Variants in SSRP1 observed in about 807,000 individuals in gnomAD.
SSRP1 encodes the protein FACT complex subunit SSRP1.
A neutral mutation model predicts 84.4 loss-of-function variants in SSRP1; 21 were observed. That is an observed-to-expected ratio of 0.25 (90% CI 0.18 to 0.36). SSRP1 has a LOEUF of 0.36. SSRP1 is among the 10% of genes least tolerant of loss of function. SSRP1 has a pLI of 1.00. For synonymous variants in SSRP1, 319 were observed against 318.3 expected, an observed-to-expected ratio of 1.00 and a Z score of -0.02; for missense variants, 519 against 900.8, an observed-to-expected ratio of 0.58 and a Z score of 5.43.
chr11:57,333,326 T>A, intron 4 of SSRP1, 109 bp downstream of exon 4: 2 of 1,179,198 alleles, frequency 1.7e-6, no homozygotes, highest in South Asian at 2.7e-5. Context: ...AACATGCAAA[T>A]AGATAGGAAA....
chr11:57,330,606 T>C lies in SSRP1; in HGVS notation c.1297-177A>G. ...CTATGCCCAAGTACTTCCTGCCAAC[T>C]GGGTTAGTCCAAGCCCCAAGCCCCT... On this transcript the variant is annotated intron_variant, in intron 10 of 16. Transcript: ENST00000278412. This position sits in a 1 kb window ranked among gnomAD's most constrained non-coding sequence, Gnocchi z 4.0. 7.0e-7 allele frequency: 1 copy of C among 1,431,012 alleles called. No individual in the cohort carries two copies. The highest frequency in any genetic ancestry group is 9.2e-7 in the Non-Finnish European group (1 of 1,091,888). The allele number at this position is 1,431,012 out of a possible 1,614,324, so 88.6% of individuals were successfully genotyped here.
intron 13 of SSRP1, 54 bp downstream of exon 13, chr11:57,328,243 C>G: frequency 6.3e-7 from 1 of 1,594,016 alleles, no homozygotes; most frequent in Non-Finnish European, 8.6e-7. Flanking sequence ...AGAATGCCTC[C>G]CACGCCCCCC....
intron 9 of SSRP1, 76 bp downstream of exon 9, chr11:57,331,592 C>T: frequency 8.1e-7 from 1 of 1,240,304 alleles, no homozygotes; most frequent in Non-Finnish European, 1.2e-6. Flanking sequence ...GAGAGTGCCC[C>T]AGGCCACGCC....
chr11:57,332,500 G>T lies in SSRP1; in HGVS notation c.769-14C>A. The T allele has an allele frequency of 6.2e-7, 1 of 1,613,682 alleles. No homozygotes were observed. The highest frequency in any genetic ancestry group is 8.5e-7 in the Non-Finnish European group (1 of 1,179,684). On this transcript the variant is annotated splice_polypyrimidine_tract_variant and intron_variant, in intron 6 of 16. Transcript: ENST00000278412. The surrounding 1 kb of genome is among the most constrained non-coding windows in gnomAD (Gnocchi z 5.5). ...ATCCAGGCTGATCTAGTAAGGAAGA[G>T]TACTAATTGACACTCTACAACAACT...
rs7106462 is a variant in SSRP1, at chr11:57,332,877, G to A, written c.538-22C>T. 248,364 of 1,601,862 alleles carry A rather than the reference G, an allele frequency of 0.16. 21,464 individuals carry two copies. The highest frequency in any genetic ancestry group is 0.32 in the African/African-American group (24,264 of 74,792). On this transcript the variant is annotated intron_variant, in intron 5 of 16. Coordinates refer to ENST00000278412, the MANE Select transcript of SSRP1 (RefSeq NM_003146.3). The surrounding 1 kb of genome is among the most constrained non-coding windows in gnomAD (Gnocchi z 5.5). ...AGGCCTGCAAAAGCACATATTGGTA[G>A]CCAAGCAGCAGGCCCTGCTCCCAGG...
rs767919305 is a variant in SSRP1, at chr11:57,332,003, T to G, written c.1002-114A>C. 28 of 1,500,746 alleles carry G rather than the reference T, an allele frequency of 1.9e-5. No homozygotes were observed. The highest frequency in any genetic ancestry group is 3.6e-5 in the Admixed American group (2 of 54,908). 93.0% of individuals were successfully genotyped at this position (1,500,746 alleles called of 1,614,324 possible). The stretch of plus-strand genomic sequence containing the variant: ...CTCGACTAAGTAAACCTCACTGAGC[T>G]GTTCTGACAGAGGCGCTGGCACCTA... On this transcript the variant is annotated intron_variant, in intron 8 of 16. Coordinates refer to ENST00000278412, the MANE Select transcript of SSRP1 (RefSeq NM_003146.3). This position sits in a 1 kb window ranked among gnomAD's most constrained non-coding sequence, Gnocchi z 5.5.
Position 57,326,933 on chromosome 11 carries a change from T to C in SSRP1, c.1872-44A>G, listed in dbSNP as rs202071181. On this transcript the variant is annotated intron_variant, in intron 15 of 16. Coordinates refer to ENST00000278412, the MANE Select transcript of SSRP1 (RefSeq NM_003146.3). ...AGAGGAGCTGGGCCTTCAGGTCCCC[T>C]GTCACCATGACCAAACCTCTCCCAG... is the stretch of plus-strand genomic sequence containing the variant. 2.3e-4 allele frequency: 341 copies of C among 1,515,490 alleles called. No individual in the cohort carries two copies. In the African/African-American group the frequency reaches 3.9e-3, roughly 17 times the overall value. 93.9% of individuals were successfully genotyped at this position (1,515,490 alleles called of 1,614,324 possible).
intron 12 of SSRP1, 196 bp downstream of exon 12, chr11:57,329,897 C>A (rs533023029): frequency 8.7e-6 from 6 of 688,222 alleles, no homozygotes; most frequent in Non-Finnish European, 1.5e-5. Flanking sequence ...TATACTTTTC[C>A]GACTTCAAAA....
At position 57,335,046 on chromosome 11, in the gene SSRP1, C is replaced by T. The variant is rs1856182951; in HGVS notation, c.54+22G>A. 3.1e-6 allele frequency: 5 copies of T among 1,613,732 alleles called. No homozygotes were observed. The highest frequency in any genetic ancestry group is 4.2e-6 in the Non-Finnish European group (5 of 1,179,702). ...CCTCCTTCCTTCTCTCTACTTGTAT[C>T]ACCTGTCCAAGCCATTCTCACCATG... is the stretch of plus-strand genomic sequence containing the variant. On this transcript the variant is annotated intron_variant, in intron 2 of 16. Coordinates refer to ENST00000278412, the MANE Select transcript of SSRP1 (RefSeq NM_003146.3). This position sits in a 1 kb window ranked among gnomAD's most constrained non-coding sequence, Gnocchi z 4.6.
intron 2 of SSRP1, 114 bp from the exon 3 acceptor site, chr11:57,334,762 A>C: frequency 2.4e-6 from 3 of 1,267,614 alleles, no homozygotes; most frequent in Non-Finnish European, 3.3e-6. Context: ...TTATCAATGC[A>C]GGAGCAACAG....
chr11:57,333,767 T>C (rs1856146073), intron 3 of SSRP1, among the ~76,000 whole-genome samples: 1 of 152,208 alleles, frequency 6.6e-6, no homozygotes, highest in South Asian at 2.1e-4. Flanking sequence ...ATAAACTTTG[T>C]ATAGGTATTA....
intron 12 of SSRP1, chr11:57,329,787 CAAGT>C: frequency 4.2e-6 from 2 of 479,062 alleles, no homozygotes; most frequent in South Asian, 2.9e-5. Context: ...CAACCCCCAG[CAAGT>C]AAGTGGCAAG....
At position 57,330,901 on chromosome 11, in the gene SSRP1, A is replaced by G; in HGVS notation, c.1250T>C (p.Phe417Ser). The G allele has an allele frequency of 6.2e-7, 1 of 1,614,200 alleles. No homozygotes were observed. Among genetic ancestry groups the G allele is most frequent in the East Asian group, 2.2e-5 (1 of 44,882 alleles). Reference protein sequence around the residue: ...EREEYGKLFDFVNAKKLNIKN... With the variant: ...EREEYGKLFDSVNAKKLNIKN... ...GATGTTGAGCTTTTTCGCGTTGACA[A>G]AATCAAACAGTTTCCCGTACTCCTC... The change falls in exon 10 of 17, where the codon TTT becomes TCT. Residue 417 changes from phenylalanine to serine, a missense_variant. Transcript: ENST00000278412. This position sits in a 1 kb window ranked among gnomAD's most constrained non-coding sequence, Gnocchi z 4.0.
rs528134038 is a variant in SSRP1 at position 57,335,860 on chromosome 11, C to G, written c.-250G>C. ...TTCCCGCGTGCGCGGCCCCGCGTCC[C>G]GCCACCGGAAGCCGTACACAGGCCA... On this transcript the variant is annotated 5_prime_UTR_variant, in exon 1 of 17. Coordinates refer to ENST00000278412, the MANE Select transcript of SSRP1 (RefSeq NM_003146.3). This position sits in a 1 kb window ranked among gnomAD's most constrained non-coding sequence, Gnocchi z 4.6. 6.6e-6 allele frequency: 1 copy of G among 152,256 alleles called. No individual in the cohort carries two copies. Among genetic ancestry groups the G allele is most frequent in the South Asian group, 2.1e-4 (1 of 4,838 alleles). The allele number at this position is 152,256 out of a possible 1,614,324, so 9.4% of individuals were successfully genotyped here.
In SSRP1 at chr11:57,330,836, C is replaced by T; in HGVS notation, c.1296+19G>A. 6.2e-7 allele frequency: 1 copy of T among 1,614,180 alleles called. No individual in the cohort carries two copies. The highest frequency in any genetic ancestry group is 1.1e-5 in the South Asian group (1 of 91,086). ...TAGAAAGACCAGGAGAGGGTCTCAT[C>T]CTCCCCACACAGAAGTACCTCTTTC... On this transcript the variant is annotated intron_variant, in intron 10 of 16. Transcript: ENST00000278412. This position sits in a 1 kb window ranked among gnomAD's most constrained non-coding sequence, Gnocchi z 4.0.
Position 57,326,200 on chromosome 11 carries a change from T to C in SSRP1, c.*207A>G. ...ATTGCCCTGCCTCCCACCCTATCTC[T>C]CCCCAAATTATAAACAGCCATCCTT... On this transcript the variant is annotated 3_prime_UTR_variant, in exon 17 of 17. Coordinates refer to ENST00000278412, the MANE Select transcript of SSRP1 (RefSeq NM_003146.3). 1 of 602,710 alleles carries C rather than the reference T, an allele frequency of 1.7e-6. No homozygotes were observed. Among genetic ancestry groups the C allele is most frequent in the Non-Finnish European group, 2.9e-6 (1 of 339,516 alleles). The allele number at this position is 602,710 out of a possible 1,614,324, so 37.3% of individuals were successfully genotyped here.
chr11:57,328,449 T>A lies in SSRP1; in HGVS notation c.1482-23A>T, dbSNP rs570427901. The A allele has an allele frequency of 1.9e-6, 3 of 1,613,656 alleles. No individual in the cohort carries two copies. The African/African-American group carries it at 4.0e-5, about 22-fold the overall frequency. On this transcript the variant is annotated intron_variant, in intron 12 of 16. Transcript: ENST00000278412. ...AACCTGCCAGAGAACAAGCCAGGCT[T>A]AGACTTGAGGAGGGAAGACAGGACC...
intron 3 of SSRP1, 56 bp from the exon 4 acceptor site, chr11:57,333,596 G>A (rs968627358): frequency 3.3e-5 from 40 of 1,228,008 alleles, no homozygotes; most frequent in African/African-American, 1.9e-4. Context: ...CCTTAACACC[G>A]ACTTGAATGT....
chr11:57,331,023 G>A, intron 9 of SSRP1, 96 bp from the exon 10 acceptor site: 17 of 1,385,368 alleles, frequency 1.2e-5, no homozygotes, highest in Non-Finnish European at 1.7e-5. Context: ...GTAGACTGTG[G>A]AGCCTGGAGC....
Sources: allele counts gnomAD v4.1 joint callset (sites outside exome capture counted in the v4.1 genomes callset), GRCh38; gene constraint gnomAD v4.1.1; non-coding constraint Gnocchi (gnomAD v3.1); transcripts MANE v1.5; gene names NCBI Gene and HGNC (gene_info 2026-07-23, HGNC 2026-07-21).